NBAS: variants seen among roughly 807,000 people sequenced by gnomAD.
NBAS encodes the protein NBAS subunit of NRZ tethering complex, also known as NAG/BC035112 fusion.
NBAS carries 219 observed loss-of-function variants against 302.5 expected under a neutral mutation model. The observed-to-expected ratio is 0.72, with a 90% CI of 0.65 to 0.81. The LOEUF (loss-of-function observed/expected upper bound fraction) is 0.81, where lower values mean the gene tolerates loss of function less well. NBAS is among the 30% of genes least tolerant of loss of function. The pLI is 0.00. For synonymous variants in NBAS, 1,118 were observed against 1,021.6 expected (o/e 1.09, Z -1.80); for missense variants, 2,932 against 2,841.6 (o/e 1.03, Z -0.72).
the NBAS span, among the ~76,000 whole-genome samples, chr2:14,944,758 G>C: frequency 6.6e-6 from 1 of 151,966 alleles, no homozygotes; most frequent in Non-Finnish European, 1.5e-5. Flanking sequence ...ACTCTGAACA[G>C]ATGGTAAGAG....
the NBAS span, among the ~76,000 whole-genome samples, chr2:15,155,749 T>C: frequency 3.9e-5 from 6 of 152,360 alleles, no homozygotes; most frequent in African/African-American, 1.2e-4. Flanking sequence ...TTCGTCTTCC[T>C]GCAGAAGTAA....
At chr2:15,462,126 A>C (rs898657624) in intron 19 of NBAS, among the ~76,000 whole-genome samples, 3 of 152,258 alleles carry the variant, frequency 2.0e-5, no homozygotes, top group Non-Finnish European at 4.4e-5. Flanking sequence ...CTGAACCTCT[A>C]TAGATGAACT....
chr2:14,901,328 G>T, the NBAS span, among the ~76,000 whole-genome samples: 183 of 152,054 alleles, frequency 1.2e-3, 2 homozygotes, highest in Non-Finnish European at 1.8e-3. Context: ...AGCAGAGAGA[G>T]TTCAAAAAAT....
chr2:15,475,916 T>C (rs1680173385), intron 13 of NBAS, 36 bp from the exon 14 acceptor site: 1 of 1,498,060 alleles, frequency 6.7e-7, no homozygotes, highest in Non-Finnish European at 9.3e-7. Context: ...CAAATGCATC[T>C]GCTAATGTGG....
intron 13 of NBAS, among the ~76,000 whole-genome samples, 189 bp from the exon 14 acceptor site, chr2:15,476,069 T>A (rs932380426): frequency 1.3e-5 from 2 of 152,188 alleles, no homozygotes; most frequent in Non-Finnish European, 2.9e-5. Flanking sequence ...GTATAAAATG[T>A]TAATTCCCTT....
At chr2:14,883,420 A>G in the NBAS span, among the ~76,000 whole-genome samples, 2 of 152,162 alleles carry the variant, frequency 1.3e-5, no homozygotes, top group Non-Finnish European at 2.9e-5. Flanking sequence ...GCATCCTATT[A>G]ACCTGGACAA....
chr2:14,938,401 CTG>C, the NBAS span, among the ~76,000 whole-genome samples: 1 of 152,136 alleles, frequency 6.6e-6, no homozygotes, highest in Non-Finnish European at 1.5e-5. Flanking sequence ...CAGGAGAAAA[CTG>C]TGGTTTAAGA....
chr2:15,536,654 T>C, intron 7 of NBAS, 103 bp from the exon 8 acceptor site: 1 of 1,071,572 alleles, frequency 9.3e-7, no homozygotes, highest in Non-Finnish European at 1.4e-6. Flanking sequence ...TCAGGTACAC[T>C]TTATGTAAGA....
chr2:15,223,413 A>G (rs909515301), intron 47 of NBAS, among the ~76,000 whole-genome samples: 4 of 152,200 alleles, frequency 2.6e-5, no homozygotes, highest in African/African-American at 9.7e-5. Context: ...TATAACTTTT[A>G]TAATGTAAAA....
At chr2:14,912,702 TTAAAAAAAAAA>T in the NBAS span, among the ~76,000 whole-genome samples, 41 of 101,302 alleles carry the variant, frequency 4.0e-4, no homozygotes, top group African/African-American at 1.4e-3. Flanking sequence ...GCATTCATTT[TTAAAAAAAAAA>T]AAAAAAAAAA....
chr2:15,110,826 T>C, the NBAS span, among the ~76,000 whole-genome samples: 1 of 152,174 alleles, frequency 6.6e-6, no homozygotes, highest in African/African-American at 2.4e-5. Flanking sequence ...AAGTCTACTC[T>C]TAAATATGAG....
the NBAS span, among the ~76,000 whole-genome samples, chr2:14,863,627 C>T: frequency 6.6e-6 from 1 of 152,188 alleles, no homozygotes; most frequent in East Asian, 1.9e-4. Context: ...TGCAGGCCAT[C>T]TGGATGTATA....
intron 3 of NBAS, 94 bp downstream of exon 3, chr2:15,556,689 G>C: frequency 8.4e-7 from 1 of 1,196,588 alleles, no homozygotes; most frequent in Non-Finnish European, 1.2e-6. Flanking sequence ...ACTTTATCAT[G>C]ATCTAGAATT....
At chr2:15,085,020 G>T in the NBAS span, among the ~76,000 whole-genome samples, 1 of 152,180 alleles carries the variant, frequency 6.6e-6, no homozygotes, top group Non-Finnish European at 1.5e-5. Flanking sequence ...GGCGGACAGC[G>T]CCCCACCTCC....
chr2:15,090,972 G>A, the NBAS span, among the ~76,000 whole-genome samples: 6 of 152,122 alleles, frequency 3.9e-5, no homozygotes, highest in Middle Eastern at 3.4e-3. Flanking sequence ...ACTCACCCTC[G>A]TACCTTACCT....
At chr2:15,320,232 C>G (rs13430213) in intron 38 of NBAS, among the ~76,000 whole-genome samples, 1 of 151,864 alleles carries the variant, frequency 6.6e-6, no homozygotes, top group Non-Finnish European at 1.5e-5. Flanking sequence ...AAACTAGGTA[C>G]TGATGGAACG....
the NBAS span, among the ~76,000 whole-genome samples, chr2:14,830,585 C>T: frequency 1.2e-4 from 19 of 152,136 alleles, no homozygotes; most frequent in African/African-American, 2.7e-4. Context: ...GGTTTGCGAA[C>T]GACTGTCCTA....
At chr2:14,872,770 G>C in the NBAS span, among the ~76,000 whole-genome samples, 8 of 152,128 alleles carry the variant, frequency 5.3e-5, no homozygotes, top group Non-Finnish European at 1.2e-4. Flanking sequence ...CGGGTCCAGA[G>C]TTGCTCTTCC....
At chr2:14,957,428 C>T in the NBAS span, among the ~76,000 whole-genome samples, 1 of 151,990 alleles carries the variant, frequency 6.6e-6, no homozygotes, top group Non-Finnish European at 1.5e-5. Context: ...CATAGAATTT[C>T]CCAAGCGCAT....
Sources: allele counts gnomAD v4.1 joint callset (sites outside exome capture counted in the v4.1 genomes callset), GRCh38; gene constraint gnomAD v4.1.1; transcripts MANE v1.5; gene names NCBI Gene and HGNC (gene_info 2026-07-23, HGNC 2026-07-21).